GPC5: variants seen among roughly 807,000 people sequenced by gnomAD.
The protein encoded by GPC5 is glypican-5.
GPC5 carries 47 observed loss-of-function variants against 53.9 expected under a neutral mutation model. The observed-to-expected ratio is 0.87, with a 90% CI of 0.69 to 1.11. The LOEUF (loss-of-function observed/expected upper bound fraction) is 1.11. Among genes scored for constraint, GPC5 ranks in the 50% most tolerant of loss-of-function variants. The pLI is 0.00. For missense variants in GPC5, 748 were observed against 713.1 expected, an observed-to-expected ratio of 1.05 and a Z score of -0.56; for synonymous variants, 286 against 263.3, an observed-to-expected ratio of 1.09 and a Z score of -0.84.
chr13:92,751,101 A>G (rs1889376641), intron 7 of GPC5, among the ~76,000 whole-genome samples: 1 of 151,974 alleles, frequency 6.6e-6, no homozygotes, highest in Non-Finnish European at 1.5e-5. Context: ...AAACCTTTTT[A>G]CTAAACCATA....
intron 5 of GPC5, among the ~76,000 whole-genome samples, chr13:91,879,475 A>T (rs1197055562): frequency 6.6e-6 from 1 of 152,214 alleles, no homozygotes; most frequent in African/African-American, 2.4e-5. Flanking sequence ...GGGCTGGGAA[A>T]TCTAAGACCA....
At chr13:92,743,811 T>C (rs111920621) in intron 7 of GPC5, among the ~76,000 whole-genome samples, 9 of 152,332 alleles carry the variant, frequency 5.9e-5, no homozygotes, top group African/African-American at 2.2e-4. Context: ...TTGAATTTTG[T>C]CAAAGGCCTT....
At chr13:91,965,757 TCAGTA>T (rs2040174938) in intron 6 of GPC5, among the ~76,000 whole-genome samples, 1 of 152,174 alleles carries the variant, frequency 6.6e-6, no homozygotes, top group Admixed American at 6.6e-5. Flanking sequence ...GGAGTTCCAT[TCAGTA>T]CATCCGTGCT....
intron 7 of GPC5, among the ~76,000 whole-genome samples, chr13:92,443,184 G>T (rs952969101): frequency 2.0e-5 from 3 of 152,082 alleles, no homozygotes; most frequent in African/African-American, 7.2e-5. Flanking sequence ...GAAGTCCCAG[G>T]CTCTTTCTAA....
chr13:91,448,989 G>A (rs1398005166), intron 2 of GPC5, 67 bp downstream of exon 2: 23 of 1,500,730 alleles, frequency 1.5e-5, no homozygotes, highest in Middle Eastern at 1.8e-4. Context: ...AGATAGTTAC[G>A]TTGGCAAACT....
At chr13:91,907,850 AT>A in intron 5 of GPC5, 86 bp from the exon 6 acceptor site, 2 of 1,402,974 alleles carry the variant, frequency 1.4e-6, no homozygotes, top group South Asian at 2.4e-5. Flanking sequence ...AAAGGAGGAA[AT>A]TCCGACCTCA....
At chr13:92,315,912 T>C (rs1236690348) in intron 7 of GPC5, among the ~76,000 whole-genome samples, 1 of 152,164 alleles carries the variant, frequency 6.6e-6, no homozygotes, top group African/African-American at 2.4e-5. Flanking sequence ...TTGGCCTTAC[T>C]TTAAAAGACT....
chr13:92,736,935 T>C (rs1288584816), intron 7 of GPC5, among the ~76,000 whole-genome samples: 2 of 152,022 alleles, frequency 1.3e-5, no homozygotes, highest in Non-Finnish European at 2.9e-5. Flanking sequence ...TTTCTCTAAA[T>C]AGTCAGTTGT....
At chr13:92,740,960 G>GTGTGTATATATATATATATATATA (rs35795926) in intron 7 of GPC5, among the ~76,000 whole-genome samples, 2 of 117,700 alleles carry the variant, frequency 1.7e-5, no homozygotes, top group African/African-American at 3.3e-5. Flanking sequence ...ATATGTATGT[G>GTGTGTATATATATATATATATATA]TATATATATA....
At chr13:92,305,238 A>T (rs937614411) in intron 7 of GPC5, among the ~76,000 whole-genome samples, 1 of 152,152 alleles carries the variant, frequency 6.6e-6, no homozygotes, top group African/African-American at 2.4e-5. Context: ...TCAAGTCTGA[A>T]AATGTGTTCA....
chr13:92,198,733 T>A (rs760491992), intron 7 of GPC5, among the ~76,000 whole-genome samples: 6 of 152,182 alleles, frequency 3.9e-5, no homozygotes, highest in Non-Finnish European at 7.4e-5. Context: ...ATTCGTACAA[T>A]CTTTGCAAGT....
chr13:92,130,520 C>T (rs1386081827), intron 6 of GPC5, among the ~76,000 whole-genome samples: 1 of 151,994 alleles, frequency 6.6e-6, no homozygotes, highest in African/African-American at 2.4e-5. Flanking sequence ...TTGGACTAGG[C>T]TTACACAAGC....
At chr13:92,539,655 C>T (rs989587123) in intron 7 of GPC5, among the ~76,000 whole-genome samples, 4 of 151,814 alleles carry the variant, frequency 2.6e-5, no homozygotes, top group African/African-American at 9.7e-5. Flanking sequence ...TTCTTTCTGT[C>T]TCTCTTTCTT....
chr13:92,573,275 A>T (rs544047919), intron 7 of GPC5, among the ~76,000 whole-genome samples: 9 of 152,192 alleles, frequency 5.9e-5, no homozygotes, highest in Non-Finnish European at 1.2e-4. Context: ...ACTCAAAAGC[A>T]TATAGTGAGC....
intron 7 of GPC5, among the ~76,000 whole-genome samples, chr13:92,632,283 CAG>C (rs1454471246): frequency 2.0e-5 from 3 of 152,034 alleles, no homozygotes; most frequent in African/African-American, 7.2e-5. Context: ...GACTTGAAGA[CAG>C]AAATTTCATA....
At chr13:92,288,474 G>A (rs12874257) in intron 7 of GPC5, among the ~76,000 whole-genome samples, 13,015 of 152,224 alleles carry the variant, frequency 0.085, 614 homozygotes, top group Middle Eastern at 0.12. Context: ...CATAAGGACT[G>A]TATTCATTGT....
chr13:92,574,357 G>A (rs1265642018), intron 7 of GPC5, among the ~76,000 whole-genome samples: 1 of 152,056 alleles, frequency 6.6e-6, no homozygotes, highest in Non-Finnish European at 1.5e-5. Context: ...GGAAAATTGA[G>A]GCAATACCTT....
chr13:92,094,002 A>T (rs369424157), intron 6 of GPC5, among the ~76,000 whole-genome samples: 1 of 152,208 alleles, frequency 6.6e-6, no homozygotes, highest in Admixed American at 6.5e-5. Context: ...GTTGAATGAC[A>T]TGTCATTGAA....
In GPC5 at chr13:92,488,141, G is replaced by A. The variant is rs532326424; in HGVS notation, c.1561+343152G>A. 2.0e-5 allele frequency among the ~76,000 whole-genome samples: 3 copies of A among 152,200 alleles called. No individual in the cohort carries two copies. The East Asian group carries it at 5.8e-4, about 29-fold the overall frequency. ...TGAGTGTGTGTGTGCGCGTGTGTGT[G>A]TGTACAGGCATATAAGTTTGTAAAT... On this transcript the variant is annotated intron_variant, in intron 7 of 7. Coordinates refer to ENST00000377067, the MANE Select transcript of GPC5 (RefSeq NM_004466.6).
Sources: gnomAD v4.1 joint callset for allele counts (sites outside exome capture counted in the v4.1 genomes callset) on GRCh38, gnomAD v4.1.1 for gene constraint, MANE v1.5 for transcripts, NCBI Gene and HGNC (gene_info 2026-07-23, HGNC 2026-07-21) for gene names.